PDE4D: variants seen among roughly 807,000 people sequenced by gnomAD.
The protein encoded by PDE4D is phosphodiesterase 4D, also known as 3',5'-cyclic-AMP phosphodiesterase 4D.
Under a neutral mutation model 87.4 loss-of-function variants are expected in PDE4D, and 24 were observed. That is an observed-to-expected ratio of 0.27 (90% confidence interval 0.20 to 0.39). The LOEUF (loss-of-function observed/expected upper bound fraction) is 0.39, where lower values mean the gene tolerates loss of function less well. PDE4D is among the 10% of genes least tolerant of loss of function. The probability of loss-of-function intolerance (pLI) is 1.00; values close to 1 mark genes in which losing one functional copy is unlikely to be tolerated. For missense variants in PDE4D, 714 were observed against 1,041.0 expected, an observed-to-expected ratio of 0.69 and a Z score of 4.32; for synonymous variants, 384 against 383.2, an observed-to-expected ratio of 1.00 and a Z score of -0.02.
chr5:60,499,156 C>G (rs980288143), intron 1 of PDE4D, among the ~76,000 whole-genome samples: 2 of 152,180 alleles, frequency 1.3e-5, no homozygotes, highest in African/African-American at 4.8e-5. Flanking sequence ...ACAGAATAAA[C>G]AGTTCACACT....
chr5:59,199,919 T>TAC (rs1312679008), intron 2 of PDE4D, among the ~76,000 whole-genome samples: 1 of 151,844 alleles, frequency 6.6e-6, no homozygotes, highest in Non-Finnish European at 1.5e-5. Context: ...CATGTATATA[T>TAC]ACACACAGGC....
At chr5:59,084,345 G>T (rs1229073366) in intron 5 of PDE4D, among the ~76,000 whole-genome samples, 1 of 151,772 alleles carries the variant, frequency 6.6e-6, no homozygotes, top group Admixed American at 6.6e-5. Context: ...AATATATGAT[G>T]TAAAATGATT....
At chr5:59,601,417 G>T (rs1253755264) in intron 1 of PDE4D, among the ~76,000 whole-genome samples, 4 of 37,298 alleles carry the variant, frequency 1.1e-4, no homozygotes, top group Middle Eastern at 7.9e-3. Flanking sequence ...GTTCTGGTTT[G>T]CTTTTTTTTT....
chr5:59,715,390 C>G (rs1180123419), intron 1 of PDE4D, among the ~76,000 whole-genome samples: 2 of 152,072 alleles, frequency 1.3e-5, no homozygotes, highest in African/African-American at 2.4e-5. Context: ...GGAAGGGCAT[C>G]CCCCCCTATG....
At chr5:59,166,731 G>A (rs1197326754) in intron 5 of PDE4D, among the ~76,000 whole-genome samples, 2 of 152,162 alleles carry the variant, frequency 1.3e-5, no homozygotes, top group Admixed American at 6.5e-5. Context: ...TTGACATTCT[G>A]TCTGGTGAAT....
chr5:60,411,160 A>T (rs184686312), intron 1 of PDE4D, among the ~76,000 whole-genome samples: 1 of 152,170 alleles, frequency 6.6e-6, no homozygotes, highest in African/African-American at 2.4e-5. Context: ...TTCAAGTCAC[A>T]CTCATTCTAG....
intron 1 of PDE4D, among the ~76,000 whole-genome samples, chr5:59,266,956 TAC>T (rs528149812): frequency 9.9e-5 from 15 of 152,078 alleles, no homozygotes; most frequent in African/African-American, 3.1e-4. Context: ...GTTTTATTCA[TAC>T]AGTTTATTCA....
chr5:59,639,080 A>G (rs547066082), intron 1 of PDE4D, among the ~76,000 whole-genome samples: 8 of 152,236 alleles, frequency 5.3e-5, no homozygotes, highest in Admixed American at 1.3e-4. Context: ...AGCATAAAAC[A>G]TTTTCCACAA....
At chr5:59,257,820 G>C (rs1561827463) in intron 1 of PDE4D, among the ~76,000 whole-genome samples, 1 of 151,920 alleles carries the variant, frequency 6.6e-6, no homozygotes, top group Non-Finnish European at 1.5e-5. Flanking sequence ...ATTTTCAAGG[G>C]CACTTTTATG....
intron 1 of PDE4D, among the ~76,000 whole-genome samples, chr5:59,725,794 TAAAC>T (rs1756513903): frequency 6.6e-6 from 1 of 151,922 alleles, no homozygotes; most frequent in Non-Finnish European, 1.5e-5. Context: ...TTTATTTAAT[TAAAC>T]AAACTCCATA....
chr5:59,778,676 A>T (rs576735062), intron 1 of PDE4D, among the ~76,000 whole-genome samples: 2 of 152,308 alleles, frequency 1.3e-5, no homozygotes, highest in South Asian at 4.1e-4. Context: ...TTGCCTCATG[A>T]TTCTTGTACT....
chr5:59,470,899 A>T (rs945966230), intron 1 of PDE4D, among the ~76,000 whole-genome samples: 7 of 152,146 alleles, frequency 4.6e-5, no homozygotes, highest in Non-Finnish European at 4.4e-5. Flanking sequence ...TAATATCAGC[A>T]AACTGTGAAC....
chr5:59,288,666 C>T (rs1767446190), intron 1 of PDE4D, among the ~76,000 whole-genome samples: 1 of 151,944 alleles, frequency 6.6e-6, no homozygotes, highest in East Asian at 1.9e-4. Context: ...TACTCAAACT[C>T]ACAAAGGTCA....
At chr5:60,229,845 C>T (rs1475034937) in intron 1 of PDE4D, among the ~76,000 whole-genome samples, 1 of 152,126 alleles carries the variant, frequency 6.6e-6, no homozygotes, top group East Asian at 1.9e-4. Context: ...CAGCTGCAAG[C>T]ATAGCAGTTA....
rs1229385068 is a variant in PDE4D, at chr5:59,364,843, A to ACCTT, written c.456-148879_456-148876dup. On this transcript the variant is annotated intron_variant, in intron 1 of 14. Transcript: ENST00000340635. ...CTCCCTCTCTCTTGCCCACCCACCT[A>ACCTT]CCTTCCTTCCTTCCTTCCTACCTAC... 2.0e-5 allele frequency among the ~76,000 whole-genome samples: 3 copies of ACCTT among 150,728 alleles called. No individual in the cohort carries two copies. In the East Asian group the frequency reaches 5.9e-4, roughly 29 times the overall value.
intron 1 of PDE4D, chr5:59,430,680 T>G: frequency 7.5e-6 from 2 of 266,948 alleles, no homozygotes; most frequent in Admixed American, 5.4e-5. Context: ...ATTGGCTGAG[T>G]AGATAAAGCA....
chr5:59,079,003 C>A (rs1335453007), intron 5 of PDE4D, among the ~76,000 whole-genome samples: 2 of 152,170 alleles, frequency 1.3e-5, no homozygotes, highest in Non-Finnish European at 2.9e-5. Flanking sequence ...CAAAAGGACC[C>A]TTAACAGATG....
chr5:59,344,975 T>G (rs1272228475), intron 1 of PDE4D, among the ~76,000 whole-genome samples: 1 of 152,050 alleles, frequency 6.6e-6, no homozygotes, highest in Non-Finnish European at 1.5e-5. Flanking sequence ...TCAACAAACT[T>G]TATATGCCAG....
At chr5:59,682,054 A>G (rs528758694) in intron 1 of PDE4D, among the ~76,000 whole-genome samples, 1 of 152,224 alleles carries the variant, frequency 6.6e-6, no homozygotes, top group East Asian at 1.9e-4. Context: ...CCATGAGCCA[A>G]ATAAATTCTA....
Sources: allele counts gnomAD v4.1 joint callset (sites outside exome capture counted in the v4.1 genomes callset), GRCh38; gene constraint gnomAD v4.1.1; transcripts MANE v1.5; gene names NCBI Gene and HGNC (gene_info 2026-07-23, HGNC 2026-07-21).